Variants in NELL1 observed in about 807,000 individuals in gnomAD.
NELL1 encodes neural EGFL like 1, also known as protein kinase C-binding protein NELL1.
In NELL1, 76 loss-of-function variants were observed where a neutral mutation model predicts 107.4. That is an observed-to-expected ratio of 0.71 (90% CI 0.59 to 0.86). The LOEUF is 0.86. Ranked by LOEUF, NELL1 falls within the 40% of genes least tolerant of loss-of-function variation. The pLI is 0.00. For synonymous variants in NELL1, 353 were observed against 341.2 expected (o/e 1.03, Z -0.38); for missense variants, 1,024 against 1,005.5 (o/e 1.02, Z -0.25).
chr11:21,200,533 G>C (rs1365484610), intron 13 of NELL1, among the ~76,000 whole-genome samples: 1 of 151,926 alleles, frequency 6.6e-6, no homozygotes, highest in Admixed American at 6.6e-5. Flanking sequence ...CTAGATATTA[G>C]CCCCTCATCA....
intron 4 of NELL1, among the ~76,000 whole-genome samples, chr11:20,880,938 G>A (rs979206572): frequency 1.3e-5 from 2 of 152,054 alleles, no homozygotes; most frequent in Admixed American, 6.6e-5. Context: ...ATTATTTTTC[G>A]GTGGGGTGGA....
intron 15 of NELL1, among the ~76,000 whole-genome samples, chr11:21,487,930 T>A (rs7929375): frequency 0.86 from 130,348 of 152,184 alleles, 55,940 homozygotes; most frequent in East Asian, 0.98. Context: ...TGTAAAAAAG[T>A]CAGAGAATAT....
intron 15 of NELL1, among the ~76,000 whole-genome samples, chr11:21,394,224 A>G (rs1047260495): frequency 6.6e-6 from 1 of 151,592 alleles, no homozygotes; most frequent in Admixed American, 6.6e-5. Flanking sequence ...TAGAAAATGT[A>G]AGAAAATTAC....
chr11:21,471,188 T>C (rs1422112493), intron 15 of NELL1, among the ~76,000 whole-genome samples: 1 of 152,022 alleles, frequency 6.6e-6, no homozygotes, highest in Non-Finnish European at 1.5e-5. Context: ...ACATGAATCA[T>C]ATTGTTTTCC....
intron 3 of NELL1, among the ~76,000 whole-genome samples, chr11:20,841,516 A>C (rs1187623762): frequency 6.6e-6 from 1 of 152,146 alleles, no homozygotes; most frequent in Non-Finnish European, 1.5e-5. Flanking sequence ...TGCTGACATA[A>C]TATCAGGAAT....
chr11:21,430,629 G>C (rs1230114276), intron 15 of NELL1, among the ~76,000 whole-genome samples: 1 of 152,130 alleles, frequency 6.6e-6, no homozygotes, highest in African/African-American at 2.4e-5. Flanking sequence ...TTGGCCTTCT[G>C]AGATGTAGTG....
chr11:20,924,445 T>C (rs1850446597), intron 7 of NELL1, among the ~76,000 whole-genome samples: 2 of 152,198 alleles, frequency 1.3e-5, no homozygotes, highest in African/African-American at 2.4e-5. Context: ...AAAATCAGCC[T>C]TGAGAATAGC....
chr11:21,098,325 G>A (rs907208539), intron 12 of NELL1, among the ~76,000 whole-genome samples: 1 of 152,108 alleles, frequency 6.6e-6, no homozygotes, highest in Non-Finnish European at 1.5e-5. Context: ...ACAGTTCCAT[G>A]CATATTTCGT....
chr11:21,049,566 G>A, intron 12 of NELL1, among the ~76,000 whole-genome samples: 1 of 152,110 alleles, frequency 6.6e-6, no homozygotes, highest in South Asian at 2.1e-4. Flanking sequence ...GAACTAGATT[G>A]CATTTGATTA....
chr11:20,707,336 A>G (rs1367476391), intron 2 of NELL1, among the ~76,000 whole-genome samples: 4 of 148,562 alleles, frequency 2.7e-5, no homozygotes, highest in African/African-American at 1.0e-4. Flanking sequence ...GAAGTTTGTT[A>G]TTACCAATCG....
At chr11:20,685,961 A>T (rs1282571283) in intron 2 of NELL1, among the ~76,000 whole-genome samples, 1 of 152,088 alleles carries the variant, frequency 6.6e-6, no homozygotes, top group African/African-American at 2.4e-5. Context: ...TAAGGGTGAC[A>T]GTGGATACGT....
intron 13 of NELL1, among the ~76,000 whole-genome samples, chr11:21,149,555 C>A (rs1172681026): frequency 6.6e-6 from 1 of 152,206 alleles, no homozygotes; most frequent in Non-Finnish European, 1.5e-5. Flanking sequence ...CCCTGCCCCA[C>A]ATGATTCATT....
chr11:21,431,245 C>T (rs1262809281), intron 15 of NELL1, among the ~76,000 whole-genome samples: 1 of 152,084 alleles, frequency 6.6e-6, no homozygotes. Flanking sequence ...TAATAACTGT[C>T]CCTCTACCTC....
Position 20,915,700 on chromosome 11 carries a change from G to GATATATATATATAT in NELL1, c.604-2477_604-2464dup, listed in dbSNP as rs369114547. On this transcript the variant is annotated intron_variant, in intron 5 of 19. Transcript: ENST00000357134. ...TTCATCTGTGGAAATCCTCATAGAT[G>GATATATATATATAT]ATATATATATATATATATTTTTTTT... 1.4e-3 allele frequency among the ~76,000 whole-genome samples: 40 copies of GATATATATATATAT among 29,424 alleles called. 3 individuals carry two copies. The highest frequency in any genetic ancestry group is 2.3e-3 in the African/African-American group (26 of 11,200). The allele number at this position is 29,424 out of a possible 152,430, so 19.3% of individuals were successfully genotyped here. A position where few individuals can be genotyped will look rare whatever the true frequency, so the allele number is the denominator to read the frequency against.
intron 14 of NELL1, among the ~76,000 whole-genome samples, chr11:21,300,903 A>G (rs546776149): frequency 2.6e-4 from 40 of 151,658 alleles, no homozygotes; most frequent in Non-Finnish European, 2.9e-4. Context: ...CCCTCTCCCC[A>G]CCCCACAACA....
intron 12 of NELL1, among the ~76,000 whole-genome samples, chr11:20,973,244 G>C (rs1851537471): frequency 6.6e-6 from 1 of 151,712 alleles, no homozygotes; most frequent in Admixed American, 6.6e-5. Flanking sequence ...GAGTAGCTGG[G>C]ATTATAGGCA....
At chr11:20,697,127 G>T (rs145926345) in intron 2 of NELL1, among the ~76,000 whole-genome samples, 1 of 152,058 alleles carries the variant, frequency 6.6e-6, no homozygotes, top group Admixed American at 6.6e-5. Context: ...CGATGGTGCC[G>T]GGAAAAGAAT....
At chr11:21,232,069 C>T (rs769937826) in intron 14 of NELL1, among the ~76,000 whole-genome samples, 37 of 149,094 alleles carry the variant, frequency 2.5e-4, no homozygotes, top group East Asian at 2.2e-3. Context: ...GAGGCTGCGG[C>T]GGGTGGATCA....
At chr11:21,133,431 T>C (rs1855669657) in intron 13 of NELL1, among the ~76,000 whole-genome samples, 1 of 152,136 alleles carries the variant, frequency 6.6e-6, no homozygotes. Flanking sequence ...CCCAGGAGCC[T>C]GTCTGCCTCT....
Sources: gnomAD v4.1 joint callset for allele counts (sites outside exome capture counted in the v4.1 genomes callset) on GRCh38, gnomAD v4.1.1 for gene constraint, MANE v1.5 for transcripts, NCBI Gene and HGNC (gene_info 2026-07-23, HGNC 2026-07-21) for gene names.